KCTD8: variants seen among roughly 807,000 people sequenced by gnomAD.
KCTD8 encodes the protein BTB/POZ domain-containing protein KCTD8.
A neutral mutation model predicts 31.5 loss-of-function variants in KCTD8; 27 were observed. The ratio of observed to expected loss-of-function variants is 0.86; its 90% CI spans 0.63 to 1.18. The LOEUF (loss-of-function observed/expected upper bound fraction) is 1.18. Ranked by LOEUF, KCTD8 falls within the 50% of genes most tolerant of loss-of-function variation. The pLI is 0.00. For missense variants in KCTD8, 658 were observed against 647.7 expected (o/e 1.02, Z -0.17); for synonymous variants, 290 against 280.0 (o/e 1.04, Z -0.36).
At chr4:44,257,747 G>A (rs1716030404) in intron 1 of KCTD8, among the ~76,000 whole-genome samples, 1 of 152,004 alleles carries the variant, frequency 6.6e-6, no homozygotes, top group Admixed American at 6.6e-5. Flanking sequence ...GAGGATGCAA[G>A]GCAGCCATAG....
chr4:44,199,209 T>C (rs1466763786), intron 1 of KCTD8, among the ~76,000 whole-genome samples: 2 of 152,048 alleles, frequency 1.3e-5, no homozygotes, highest in African/African-American at 2.4e-5. Context: ...TAAGGTACTG[T>C]AACACCCCAC....
intron 1 of KCTD8, among the ~76,000 whole-genome samples, chr4:44,329,646 G>A (rs139685425): frequency 6.6e-6 from 1 of 151,912 alleles, no homozygotes; most frequent in East Asian, 1.9e-4. Context: ...TGTGCAACCA[G>A]ATTAGAAACA....
chr4:44,302,960 G>A (rs1486228063), intron 1 of KCTD8, among the ~76,000 whole-genome samples: 4 of 152,110 alleles, frequency 2.6e-5, no homozygotes, highest in Non-Finnish European at 5.9e-5. Flanking sequence ...GGCCTTTTCT[G>A]CATCTATTGA....
chr4:44,256,946 C>CT (rs969622867), intron 1 of KCTD8, among the ~76,000 whole-genome samples: 2 of 151,870 alleles, frequency 1.3e-5, no homozygotes, highest in African/African-American at 4.8e-5. Context: ...CCTCTATGAC[C>CT]TAACAGTTTC....
At chr4:44,314,186 TCATTCATAA>T (rs1471116596) in intron 1 of KCTD8, among the ~76,000 whole-genome samples, 1 of 152,192 alleles carries the variant, frequency 6.6e-6, no homozygotes, top group Non-Finnish European at 1.5e-5. Context: ...GATGGAGACT[TCATTCATAA>T]GGAAAAGAAG....
At chr4:44,418,389 T>C (rs1432203492) in intron 1 of KCTD8, among the ~76,000 whole-genome samples, 2 of 152,178 alleles carry the variant, frequency 1.3e-5, no homozygotes, top group African/African-American at 2.4e-5. Context: ...TTTTCTCCTA[T>C]GGCAGTTAAA....
At position 44,265,428 on chromosome 4, in the gene KCTD8, C is replaced by A. The variant is rs1236146088; in HGVS notation, c.962-90178G>T. On this transcript the variant is annotated intron_variant, in intron 1 of 1. Coordinates refer to ENST00000360029, the MANE Select transcript of KCTD8 (RefSeq NM_198353.3). Reference sequence around the variant, plus strand: ...CATCAAAGACCAAAAGTAGATAAAACCACAAAGATGGGGAAAAAACAGAGC... The same window carrying A: ...CATCAAAGACCAAAAGTAGATAAAAACACAAAGATGGGGAAAAAACAGAGC... Among the ~76,000 whole-genome samples, 3 of 152,092 alleles carry A rather than the reference C, an allele frequency of 2.0e-5. No individual in the cohort carries two copies. In the East Asian group the frequency reaches 5.8e-4, roughly 29 times the overall value.
chr4:44,376,201 A>G (rs1248854771), intron 1 of KCTD8, among the ~76,000 whole-genome samples: 1 of 152,144 alleles, frequency 6.6e-6, no homozygotes, highest in African/African-American at 2.4e-5. Context: ...AGCACACCAG[A>G]GTCAGGCCCT....
intron 1 of KCTD8, among the ~76,000 whole-genome samples, chr4:44,286,024 T>C (rs942024527): frequency 8.5e-5 from 13 of 152,164 alleles, no homozygotes; most frequent in Non-Finnish European, 1.8e-4. Context: ...AAGAAGCTGA[T>C]TCCAACCCTT....
chr4:44,363,479 G>C (rs1719552487), intron 1 of KCTD8, among the ~76,000 whole-genome samples: 1 of 152,114 alleles, frequency 6.6e-6, no homozygotes, highest in South Asian at 2.1e-4. Context: ...CAAAGACAAG[G>C]ATCACAGACT....
chr4:44,225,007 G>A (rs570344504), intron 1 of KCTD8, among the ~76,000 whole-genome samples: 1 of 152,230 alleles, frequency 6.6e-6, no homozygotes, highest in East Asian at 1.9e-4. Context: ...TTTAAGGGGG[G>A]TTGAGAAATA....
chr4:44,403,661 G>T (rs1486719501), intron 1 of KCTD8, among the ~76,000 whole-genome samples: 2 of 151,632 alleles, frequency 1.3e-5, no homozygotes, highest in African/African-American at 4.8e-5. Context: ...GACCTAGTCA[G>T]ATTAGATTAG....
At chr4:44,338,700 T>C (rs1042994702) in intron 1 of KCTD8, among the ~76,000 whole-genome samples, 30 of 152,252 alleles carry the variant, frequency 2.0e-4, no homozygotes, top group African/African-American at 6.5e-4. Context: ...TTTCTGAAAT[T>C]TGTGATAAAT....
At chr4:44,365,925 C>T (rs929196439) in intron 1 of KCTD8, among the ~76,000 whole-genome samples, 1 of 152,080 alleles carries the variant, frequency 6.6e-6, no homozygotes, top group South Asian at 2.1e-4. Context: ...CAGTGGATTA[C>T]TATGCAATCA....
chr4:44,310,792 A>AT (rs1214280990), intron 1 of KCTD8, among the ~76,000 whole-genome samples: 4 of 152,136 alleles, frequency 2.6e-5, no homozygotes, highest in Non-Finnish European at 5.9e-5. Flanking sequence ...TTTCAACTTC[A>AT]TTAGTCTATG....
intron 1 of KCTD8, among the ~76,000 whole-genome samples, chr4:44,444,785 G>T (rs1486193660): frequency 1.4e-5 from 2 of 147,944 alleles, no homozygotes; most frequent in Non-Finnish European, 3.0e-5. Flanking sequence ...CAGGTGTGGT[G>T]GGGGTGACGG....
intron 1 of KCTD8, among the ~76,000 whole-genome samples, chr4:44,378,607 G>A (rs1053850451): frequency 3.3e-5 from 5 of 151,862 alleles, no homozygotes; most frequent in Non-Finnish European, 4.4e-5. Context: ...AATAATTAAG[G>A]ATAAAAATCC....
chr4:44,446,472 TA>T lies in KCTD8; in HGVS notation c.961+1090del, dbSNP rs557272443. ...CTTTTCGTTTGTCCAAATCGCTCTC[TA>T]GTCGTTGTCTTTTCACTTCATAAAC... On this transcript the variant is annotated intron_variant, in intron 1 of 1. Transcript: ENST00000360029. Among the ~76,000 whole-genome samples the T allele has an allele frequency of 5.3e-5, 8 of 152,088 alleles. No homozygotes were observed. In the South Asian group the frequency reaches 1.7e-3, roughly 32 times the overall value.
chr4:44,248,774 G>A (rs1715739445), intron 1 of KCTD8, among the ~76,000 whole-genome samples: 1 of 151,858 alleles, frequency 6.6e-6, no homozygotes, highest in Admixed American at 6.6e-5. Context: ...CACTGAGAGA[G>A]ACCTTGAATG....
Sources: gnomAD v4.1 joint callset for allele counts (sites outside exome capture counted in the v4.1 genomes callset) on GRCh38, gnomAD v4.1.1 for gene constraint, MANE v1.5 for transcripts, NCBI Gene and HGNC (gene_info 2026-07-23, HGNC 2026-07-21) for gene names.